The following TMEM150A variants were observed in gnomAD, a reference collection of about 807,000 sequenced individuals.
TMEM150A encodes transmembrane protein 150A, also known as fasting-inducible integral membrane protein TM6P1.
A neutral mutation model predicts 29.8 loss-of-function variants in TMEM150A; 18 were observed. The observed-to-expected ratio is 0.60, with a 90% CI of 0.42 to 0.90. TMEM150A has a LOEUF of 0.90. TMEM150A is among the 40% of genes least tolerant of loss of function. The pLI is 0.00. For synonymous variants in TMEM150A, 127 were observed against 143.6 expected (o/e 0.88, Z 0.83); for missense variants, 251 against 349.7 (o/e 0.72, Z 2.25).
At position 85,601,646 on chromosome 2, in the gene TMEM150A, G is replaced by A; in HGVS notation, c.66-164C>T. ...GCTTGATGCCACACCAGCACCTGCA[G>A]CATGCCCCCAGCTACAGGCCCTCTG... On this transcript the variant is annotated intron_variant, in intron 2 of 7. Coordinates refer to ENST00000334462, the MANE Select transcript of TMEM150A (RefSeq NM_001031738.3). This position sits in a 1 kb window ranked among gnomAD's most constrained non-coding sequence, Gnocchi z 4.0. The A allele has an allele frequency of 1.2e-6, 1 of 852,062 alleles. No individual in the cohort carries two copies. 52.8% of individuals were successfully genotyped at this position (852,062 alleles called of 1,614,324 possible).
In TMEM150A at chr2:85,601,494, G is replaced by A; in HGVS notation, c.66-12C>T. The A allele has an allele frequency of 1.2e-6, 2 of 1,610,296 alleles. No homozygotes were observed. The highest frequency in any genetic ancestry group is 1.7e-6 in the Non-Finnish European group (2 of 1,178,426). ...CAGCCATGGCATACCTGTGGGAACA[G>A]AACTGTCACCCTGGCAGCCTTCCCG... On this transcript the variant is annotated splice_polypyrimidine_tract_variant and intron_variant, in intron 2 of 7. Coordinates refer to ENST00000334462, the MANE Select transcript of TMEM150A (RefSeq NM_001031738.3). This position sits in a 1 kb window ranked among gnomAD's most constrained non-coding sequence, Gnocchi z 4.0.
chr2:85,601,789 AG>A lies in TMEM150A; in HGVS notation c.65+94del. 1 of 1,408,854 alleles carries A rather than the reference AG, an allele frequency of 7.1e-7. No homozygotes were observed. Among genetic ancestry groups the A allele is most frequent in the Non-Finnish European group, 9.9e-7 (1 of 1,007,082 alleles). The allele number at this position is 1,408,854 out of a possible 1,614,324, so 87.3% of individuals were successfully genotyped here. On this transcript the variant is annotated intron_variant, in intron 2 of 7. Transcript: ENST00000334462. This position sits in a 1 kb window ranked among gnomAD's most constrained non-coding sequence, Gnocchi z 4.0. ...CAAGTCAGGCTTTTGAGACACCCAG[AG>A]TGACCCTGGGTACCACCGTGGCTAT...
At chr2:85,600,319 G>A (rs772899204) in intron 5 of TMEM150A, 26 bp downstream of exon 5, 3 of 1,613,202 alleles carry the variant, frequency 1.9e-6, no homozygotes, top group South Asian at 2.2e-5. Context: ...TGGGCACGCA[G>A]GGTCAGGGCT....
rs1672841925 is a variant in TMEM150A at position 85,599,987 on chromosome 2, C to T, written c.300G>A (p.Gln100=). 3 of 1,613,124 alleles carry T rather than the reference C, an allele frequency of 1.9e-6. No homozygotes were observed. Among genetic ancestry groups the T allele is most frequent in the Non-Finnish European group, 2.5e-6 (3 of 1,179,998 alleles). ...AAGAGTGCCGACTCTGCTCCAGGAG[C>T]TGCCCGTAGCGCAGGAGGCAGATCA... ...VALICLLRYG[Q]LLEQSRHSWV... The change falls in exon 6 of 8, where the codon CAG becomes CAA. Residue 100 remains glutamine (Q), a synonymous_variant. Transcript: ENST00000334462. The surrounding 1 kb of genome is among the most constrained non-coding windows in gnomAD (Gnocchi z 6.0).
In TMEM150A at chr2:85,601,536, C is replaced by T; in HGVS notation, c.66-54G>A. ...GCCTTCCCGAGCCCCACTCAACCCA[C>T]CCCATGACCCTTCTCTTCAACCTTG... On this transcript the variant is annotated intron_variant, in intron 2 of 7. Coordinates refer to ENST00000334462, the MANE Select transcript of TMEM150A (RefSeq NM_001031738.3). This position sits in a 1 kb window ranked among gnomAD's most constrained non-coding sequence, Gnocchi z 4.0. 7.6e-6 allele frequency: 12 copies of T among 1,577,710 alleles called. 1 individual carries two copies. In the South Asian group the frequency reaches 1.2e-4, roughly 16 times the overall value.
chr2:85,602,093 T>G lies in TMEM150A; in HGVS notation c.-116-29A>C. ...GTGGAGAGAGATCAAAGTCCAGGAG[T>G]GGGTAACTGGCCGGGAAGGGGGAGG... On this transcript the variant is annotated intron_variant, in intron 1 of 7. Coordinates refer to ENST00000334462, the MANE Select transcript of TMEM150A (RefSeq NM_001031738.3). This position sits in a 1 kb window ranked among gnomAD's most constrained non-coding sequence, Gnocchi z 5.6. 5.8e-6 allele frequency: 4 copies of G among 692,658 alleles called. No individual in the cohort carries two copies. The highest frequency in any genetic ancestry group is 4.5e-5 in the Admixed American group (2 of 44,466). The allele number at this position is 692,658 out of a possible 1,614,324, so 42.9% of individuals were successfully genotyped here.
chr2:85,600,419 G>A lies in TMEM150A; in HGVS notation c.201-7C>T, dbSNP rs1466083166. 1.2e-6 allele frequency: 2 copies of A among 1,613,928 alleles called. No homozygotes were observed. Among genetic ancestry groups the A allele is most frequent in the Non-Finnish European group, 1.7e-6 (2 of 1,179,968 alleles). On this transcript the variant is annotated splice_polypyrimidine_tract_variant and splice_region_variant and intron_variant, in intron 4 of 7. Coordinates refer to ENST00000334462, the MANE Select transcript of TMEM150A (RefSeq NM_001031738.3). ...GGGATAGGAGCCACACTTGCTGCGA[G>A]GAGGGGGAAGGACAGAGTAAGAGGG...
In TMEM150A at chr2:85,599,794, T is replaced by C. The variant is rs1672826305; in HGVS notation, c.397-92A>G. 4 of 1,601,052 alleles carry C rather than the reference T, an allele frequency of 2.5e-6. No individual in the cohort carries two copies. Among genetic ancestry groups the C allele is most frequent in the Non-Finnish European group, 3.4e-6 (4 of 1,172,576 alleles). ...AATCTCCTCTCTCCCTCTTCCTTCCTCTCCCTCTTTCCAGCCCCAACCTTG... is the reference window on the plus strand; with the variant it reads ...AATCTCCTCTCTCCCTCTTCCTTCCCCTCCCTCTTTCCAGCCCCAACCTTG... On this transcript the variant is annotated intron_variant, in intron 6 of 7. Transcript: ENST00000334462. This position sits in a 1 kb window ranked among gnomAD's most constrained non-coding sequence, Gnocchi z 6.0.
chr2:85,601,215 A>G lies in TMEM150A; in HGVS notation c.114-108T>C. 6 of 1,287,900 alleles carry G rather than the reference A, an allele frequency of 4.7e-6. No homozygotes were observed. Among genetic ancestry groups the G allele is most frequent in the Non-Finnish European group, 6.7e-6 (6 of 900,614 alleles). 79.8% of individuals were successfully genotyped at this position (1,287,900 alleles called of 1,614,324 possible). Reference sequence around the variant, plus strand: ...TCTCTCCCAGACCTCCCCTACAGGGACAGAAGATCCCACTCCCCAGTGCCC... The same window carrying G: ...TCTCTCCCAGACCTCCCCTACAGGGGCAGAAGATCCCACTCCCCAGTGCCC... On this transcript the variant is annotated intron_variant, in intron 3 of 7. Coordinates refer to ENST00000334462, the MANE Select transcript of TMEM150A (RefSeq NM_001031738.3). The surrounding 1 kb of genome is among the most constrained non-coding windows in gnomAD (Gnocchi z 4.0).
rs756395412 is a variant in TMEM150A, at chr2:85,600,395, G to A, written c.218C>T (p.Pro73Leu). ...GAGGCTGAAGAGGCAGCTTTCTGGG[G>A]GATAGGAGCCACACTTGCTGCGAGG... ...VPLISKCGSYPPESCLFSLIG... is the reference protein window; with the variant it reads ...VPLISKCGSYLPESCLFSLIG... The change falls in exon 5 of 8, where the codon CCC becomes CTC. Residue 73 changes from proline (P) to leucine (L), a missense_variant. Transcript: ENST00000334462. The A allele has an allele frequency of 1.9e-6, 3 of 1,613,998 alleles. No homozygotes were observed. The highest frequency in any genetic ancestry group is 2.5e-6 in the Non-Finnish European group (3 of 1,179,994).
chr2:85,599,428 C>G lies in TMEM150A; in HGVS notation c.574+97G>C, dbSNP rs1017377938. On this transcript the variant is annotated intron_variant, in intron 7 of 7. Coordinates refer to ENST00000334462, the MANE Select transcript of TMEM150A (RefSeq NM_001031738.3). The surrounding 1 kb of genome is among the most constrained non-coding windows in gnomAD (Gnocchi z 6.0). ...AGGGAGAGGTGTTAGTCCTCTCCCCCACATGGCAGTGTTAGGCCTCCACCC... is the reference window on the plus strand; with the variant it reads ...AGGGAGAGGTGTTAGTCCTCTCCCCGACATGGCAGTGTTAGGCCTCCACCC... 26 of 1,566,878 alleles carry G rather than the reference C, an allele frequency of 1.7e-5. No individual in the cohort carries two copies. The highest frequency in any genetic ancestry group is 6.7e-5 in the East Asian group (3 of 44,498).
rs1191327332 is a variant in TMEM150A at position 85,601,147 on chromosome 2, G to A, written c.114-40C>T. 6.3e-7 allele frequency: 1 copy of A among 1,578,032 alleles called. No individual in the cohort carries two copies. The highest frequency in any genetic ancestry group is 2.2e-5 in the East Asian group (1 of 44,682). On this transcript the variant is annotated intron_variant, in intron 3 of 7. Coordinates refer to ENST00000334462, the MANE Select transcript of TMEM150A (RefSeq NM_001031738.3). This position sits in a 1 kb window ranked among gnomAD's most constrained non-coding sequence, Gnocchi z 4.0. ...AGGGAGTAGACTGGGGGAAGGGACT[G>A]CCCCCAGGCCCTTGGCCTATAGCCT...
In TMEM150A at chr2:85,599,101, G is replaced by A. The variant is rs1435186469; in HGVS notation, c.791C>T (p.Ala264Val). Residue 264 changes from alanine to valine, a missense_variant, in exon 8 of 8, where the codon GCC becomes GTC. Ala to Val is a moderately conservative substitution (Grantham distance 64). Transcript: ENST00000334462. This position sits in a 1 kb window ranked among gnomAD's most constrained non-coding sequence, Gnocchi z 6.0. ...TTAGATCATAGCGATGCTCTCGGGGGCACAGTTGAGGTGGGTGGAGGTGCT... is the reference window on the plus strand; with the variant it reads ...TTAGATCATAGCGATGCTCTCGGGGACACAGTTGAGGTGGGTGGAGGTGCT... ...SSSTSTHLNCAPESIAMI is the reference protein window; with the variant it reads ...SSSTSTHLNCVPESIAMI 1.2e-6 allele frequency: 2 copies of A among 1,613,784 alleles called. No homozygotes were observed. Among genetic ancestry groups the A allele is most frequent in the South Asian group, 2.2e-5 (2 of 91,056 alleles).
chr2:85,600,091 A>G, intron 5 of TMEM150A, 73 bp from the exon 6 acceptor site: 1 of 1,583,994 alleles, frequency 6.3e-7, no homozygotes, highest in South Asian at 1.1e-5. Context: ...AGCTTCCCCC[A>G]GACGCTGTGG....
rs988254822 is a variant in TMEM150A at position 85,599,804 on chromosome 2, T to G, written c.396+87A>C. 6.2e-7 allele frequency: 1 copy of G among 1,605,242 alleles called. No homozygotes were observed. The highest frequency in any genetic ancestry group is 2.2e-5 in the East Asian group (1 of 44,752). The stretch of plus-strand genomic sequence containing the variant: ...CTCCCTCTTCCTTCCTCTCCCTCTT[T>G]CCAGCCCCAACCTTGAGGTGCCACA... On this transcript the variant is annotated intron_variant, in intron 6 of 7. Transcript: ENST00000334462. This position sits in a 1 kb window ranked among gnomAD's most constrained non-coding sequence, Gnocchi z 6.0.
chr2:85,599,776 T>G lies in TMEM150A; in HGVS notation c.397-74A>C. On this transcript the variant is annotated intron_variant, in intron 6 of 7. Transcript: ENST00000334462. This position sits in a 1 kb window ranked among gnomAD's most constrained non-coding sequence, Gnocchi z 6.0. Reference sequence around the variant, plus strand: ...TCCACCCCTCCTTCAATGAATCTCCTCTCTCCCTCTTCCTTCCTCTCCCTC... The same window carrying G: ...TCCACCCCTCCTTCAATGAATCTCCGCTCTCCCTCTTCCTTCCTCTCCCTC... 1 of 1,585,688 alleles carries G rather than the reference T, an allele frequency of 6.3e-7. No individual in the cohort carries two copies. The highest frequency in any genetic ancestry group is 1.1e-5 in the South Asian group (1 of 88,756).
At position 85,601,240 on chromosome 2, in the gene TMEM150A, C is replaced by A; in HGVS notation, c.114-133G>T. 1 of 1,192,580 alleles carries A rather than the reference C, an allele frequency of 8.4e-7. No individual in the cohort carries two copies. Among genetic ancestry groups the A allele is most frequent in the East Asian group, 2.4e-5 (1 of 41,204 alleles). The allele number at this position is 1,192,580 out of a possible 1,614,324, so 73.9% of individuals were successfully genotyped here. On this transcript the variant is annotated intron_variant, in intron 3 of 7. Coordinates refer to ENST00000334462, the MANE Select transcript of TMEM150A (RefSeq NM_001031738.3). This position sits in a 1 kb window ranked among gnomAD's most constrained non-coding sequence, Gnocchi z 4.0. Reference sequence around the variant, plus strand: ...ACAGAAGATCCCACTCCCCAGTGCCCGCCTGAAGCAGTAACCAAAGGGGCA... The same window carrying A: ...ACAGAAGATCCCACTCCCCAGTGCCAGCCTGAAGCAGTAACCAAAGGGGCA...
chr2:85,602,317 C>T lies in TMEM150A; in HGVS notation c.-116-253G>A. 5.3e-6 allele frequency: 1 copy of T among 187,840 alleles called. No homozygotes were observed. The highest frequency in any genetic ancestry group is 1.1e-5 in the Non-Finnish European group (1 of 88,980). 11.6% of individuals were successfully genotyped at this position (187,840 alleles called of 1,614,324 possible). A position where few individuals can be genotyped will look rare whatever the true frequency, so the allele number is the denominator to read the frequency against. ...TTACCCTCCTTCTGAGGGACCAGGG[C>T]TGGGAGAAGGGCTGGACAACCGAAG... is the stretch of plus-strand genomic sequence containing the variant. On this transcript the variant is annotated intron_variant, in intron 1 of 7. Coordinates refer to ENST00000334462, the MANE Select transcript of TMEM150A (RefSeq NM_001031738.3). This position sits in a 1 kb window ranked among gnomAD's most constrained non-coding sequence, Gnocchi z 5.6.
chr2:85,599,274 C>A lies in TMEM150A; in HGVS notation c.618G>T (p.Gly206=). The A allele has an allele frequency of 6.2e-7, 1 of 1,613,990 alleles. No homozygotes were observed. Among genetic ancestry groups the A allele is most frequent in the South Asian group, 1.1e-5 (1 of 91,072 alleles). The part of the protein sequence containing the change: ...FVHESSQLQH[G]AALCEWVCVI... The stretch of plus-strand genomic sequence containing the variant: ...CACACACCCACTCACACAGGGCTGC[C>A]CCATGTTGCAGCTGAGAACTCTCAT... Residue 206 remains glycine, a synonymous_variant, in exon 8 of 8, where the codon GGG becomes GGT. Coordinates refer to ENST00000334462, the MANE Select transcript of TMEM150A (RefSeq NM_001031738.3). The surrounding 1 kb of genome is among the most constrained non-coding windows in gnomAD (Gnocchi z 6.0).
Sources: gnomAD v4.1 joint callset for allele counts on GRCh38, gnomAD v4.1.1 for gene constraint, Gnocchi (gnomAD v3.1) non-coding constraint, MANE v1.5 for transcripts, NCBI Gene and HGNC (gene_info 2026-07-23, HGNC 2026-07-21) for gene names.